The following AUTS2 variants were observed in gnomAD, a reference collection of about 807,000 sequenced individuals.
AUTS2 encodes autism susceptibility gene 2 protein.
In AUTS2, 17 loss-of-function variants were observed where a neutral mutation model predicts 112.4. The ratio of observed to expected loss-of-function variants is 0.15; its 90% confidence interval spans 0.10 to 0.23. The LOEUF is 0.23. Among genes scored for constraint, AUTS2 ranks in the 10% least tolerant of loss-of-function variants. The pLI is 1.00. For synonymous variants in AUTS2, 751 were observed against 702.7 expected (o/e 1.07, Z -1.09); for missense variants, 1,510 against 1,701.6 (o/e 0.89, Z 1.98).
rs113247128 is a variant in AUTS2 at position 70,275,138 on chromosome 7, C to T, written c.660+140567C>T. ...AATCACACCTCGCTGCAGCCTCAAA[C>T]TATGGGGCTCAAGAAGTCCTCCTGC... On this transcript the variant is annotated intron_variant, in intron 4 of 18. Transcript: ENST00000342771. 2.9e-3 allele frequency among the ~76,000 whole-genome samples: 443 copies of T among 152,322 alleles called. 6 individuals carry two copies. The highest frequency in any genetic ancestry group is 0.01 in the African/African-American group (428 of 41,580).
intron 1 of AUTS2, among the ~76,000 whole-genome samples, chr7:69,627,351 C>G (rs1332551555): frequency 6.6e-6 from 1 of 151,980 alleles, no homozygotes; most frequent in East Asian, 1.9e-4. Flanking sequence ...ATTAGCCAGG[C>G]GTGGTGGCAC....
At chr7:70,450,543 T>G (rs1387952736) in intron 5 of AUTS2, among the ~76,000 whole-genome samples, 1 of 152,096 alleles carries the variant, frequency 6.6e-6, no homozygotes. Flanking sequence ...ATGGCAGTGT[T>G]GGGGGGAAGA....
intron 5 of AUTS2, among the ~76,000 whole-genome samples, chr7:70,492,340 A>G (rs1398065955): frequency 1.3e-5 from 2 of 152,154 alleles, no homozygotes; most frequent in Non-Finnish European, 2.9e-5. Context: ...TCATGTTGAC[A>G]CTGATGCTGG....
At chr7:70,477,418 G>A (rs1483121810) in intron 5 of AUTS2, among the ~76,000 whole-genome samples, 1 of 152,156 alleles carries the variant, frequency 6.6e-6, no homozygotes, top group Non-Finnish European at 1.5e-5. Flanking sequence ...AGTCGTGGAA[G>A]TCACTTTTCC....
At chr7:70,717,632 G>T (rs963498879) in intron 6 of AUTS2, among the ~76,000 whole-genome samples, 10 of 152,106 alleles carry the variant, frequency 6.6e-5, no homozygotes, top group African/African-American at 2.4e-4. Context: ...GTTTTCTGGT[G>T]GCAAAAGTAC....
chr7:70,738,536 TG>T (rs1787908597), intron 6 of AUTS2, among the ~76,000 whole-genome samples: 1 of 152,000 alleles, frequency 6.6e-6, no homozygotes, highest in Non-Finnish European at 1.5e-5. Context: ...CATTGCTAGC[TG>T]TGAGGTACGT....
At chr7:69,867,253 G>A (rs530974869) in intron 1 of AUTS2, among the ~76,000 whole-genome samples, 1 of 152,280 alleles carries the variant, frequency 6.6e-6, no homozygotes, top group Non-Finnish European at 1.5e-5. Flanking sequence ...AGGCCTTGAG[G>A]ACTTGGTGGG....
intron 4 of AUTS2, among the ~76,000 whole-genome samples, chr7:70,150,788 A>T (rs1478741493): frequency 6.6e-6 from 1 of 152,210 alleles, no homozygotes; most frequent in Non-Finnish European, 1.5e-5. Flanking sequence ...TTAATCCCTA[A>T]TATGCCAGGT....
At chr7:70,605,546 C>CTTTTTTTTTTTTTTTT in intron 5 of AUTS2, among the ~76,000 whole-genome samples, 31 of 70,664 alleles carry the variant, frequency 4.4e-4, no homozygotes, top group African/African-American at 5.9e-4. Flanking sequence ...CCTTCTTTCT[C>CTTTTTTTTTTTTTTTT]TTTTTTTTTT....
At chr7:69,745,595 C>T (rs1011198690) in intron 1 of AUTS2, among the ~76,000 whole-genome samples, 1 of 152,106 alleles carries the variant, frequency 6.6e-6, no homozygotes, top group African/African-American at 2.4e-5. Flanking sequence ...TATTACTTGG[C>T]CATTCTTGCA....
At chr7:69,909,185 C>T (rs961995027) in intron 2 of AUTS2, among the ~76,000 whole-genome samples, 7 of 152,170 alleles carry the variant, frequency 4.6e-5, no homozygotes, top group Non-Finnish European at 8.8e-5. Context: ...TGTACATTTA[C>T]TAATTGAGTT....
chr7:70,672,094 A>G (rs760651420), intron 5 of AUTS2, among the ~76,000 whole-genome samples: 3 of 152,180 alleles, frequency 2.0e-5, no homozygotes, highest in African/African-American at 7.2e-5. Context: ...GGAAATCCCA[A>G]TGAGGTCATC....
intron 5 of AUTS2, among the ~76,000 whole-genome samples, chr7:70,554,396 T>TC (rs1405153437): frequency 6.3e-5 from 9 of 143,536 alleles, no homozygotes; most frequent in South Asian, 2.2e-4. Context: ...TTTCTTTCTT[T>TC]TTTTTTTTTT....
chr7:70,777,479 C>A (rs1303374301), intron 14 of AUTS2, among the ~76,000 whole-genome samples: 2 of 151,950 alleles, frequency 1.3e-5, no homozygotes, highest in African/African-American at 4.8e-5. Context: ...TAGGCATATA[C>A]CACCATACTT....
chr7:69,940,191 C>T (rs1796570008), intron 2 of AUTS2, among the ~76,000 whole-genome samples: 1 of 152,302 alleles, frequency 6.6e-6, no homozygotes, highest in Non-Finnish European at 1.5e-5. Flanking sequence ...GCAGGCAGTT[C>T]TCAGAGCCTG....
At chr7:70,759,514 G>A (rs1321660469) in intron 6 of AUTS2, among the ~76,000 whole-genome samples, 2 of 152,204 alleles carry the variant, frequency 1.3e-5, no homozygotes, top group African/African-American at 2.4e-5. Context: ...AAGGAGTGCC[G>A]TACAGATTTG....
intron 6 of AUTS2, among the ~76,000 whole-genome samples, chr7:70,754,849 A>G (rs1789094131): frequency 1.3e-5 from 2 of 152,184 alleles, no homozygotes; most frequent in Admixed American, 6.5e-5. Flanking sequence ...AGTGCCCCCC[A>G]CATAGTTTTC....
intron 1 of AUTS2, among the ~76,000 whole-genome samples, chr7:69,610,395 T>G (rs1792968921): frequency 6.6e-6 from 1 of 152,192 alleles, no homozygotes; most frequent in Non-Finnish European, 1.5e-5. Flanking sequence ...GTAAATCGAA[T>G]TTTTGTAAAT....
chr7:69,631,780 A>G (rs1328156336), intron 1 of AUTS2, among the ~76,000 whole-genome samples: 3 of 152,252 alleles, frequency 2.0e-5, no homozygotes, highest in Non-Finnish European at 4.4e-5. Flanking sequence ...ATAGCAAAAC[A>G]GAGTTGGATA....
Sources: allele counts gnomAD v4.1 joint callset (sites outside exome capture counted in the v4.1 genomes callset), GRCh38; gene constraint gnomAD v4.1.1; transcripts MANE v1.5; gene names NCBI Gene and HGNC (gene_info 2026-07-23, HGNC 2026-07-21).